Variants in KCNAB1 observed in about 807,000 individuals in gnomAD.
KCNAB1 encodes the protein potassium voltage-gated channel subfamily A regulatory beta subunit 1, also known as voltage-gated potassium channel subunit beta-1.
In KCNAB1, 35 loss-of-function variants were observed where a neutral mutation model predicts 64.6. The ratio of observed to expected loss-of-function variants is 0.54; its 90% CI spans 0.41 to 0.72. The LOEUF (loss-of-function observed/expected upper bound fraction) is 0.72, where lower values mean the gene tolerates loss of function less well. Ranked by LOEUF, KCNAB1 falls within the 30% of genes least tolerant of loss-of-function variation. The pLI, the probability that KCNAB1 is intolerant of heterozygous loss-of-function variation, is 0.00. For missense variants in KCNAB1, 401 were observed against 512.9 expected, an observed-to-expected ratio of 0.78 and a Z score of 2.11; for synonymous variants, 177 against 183.8, an observed-to-expected ratio of 0.96 and a Z score of 0.30.
At chr3:156,467,374 T>A (rs2108305519) in intron 7 of KCNAB1, among the ~76,000 whole-genome samples, 1 of 152,262 alleles carries the variant, frequency 6.6e-6, no homozygotes, top group Admixed American at 6.5e-5. Flanking sequence ...GATTGATCAT[T>A]GAAACAAGTG....
intron 1 of KCNAB1, among the ~76,000 whole-genome samples, chr3:156,334,877 C>T (rs1289677603): frequency 6.6e-6 from 1 of 152,152 alleles, no homozygotes; most frequent in Non-Finnish European, 1.5e-5. Flanking sequence ...AAGCTTGAAC[C>T]TGAAATTACA....
At chr3:156,260,233 A>T (rs890423143) in intron 1 of KCNAB1, among the ~76,000 whole-genome samples, 5 of 152,210 alleles carry the variant, frequency 3.3e-5, no homozygotes, top group Admixed American at 3.3e-4. Context: ...CTCTCTTAGC[A>T]AACCATGTTC....
At chr3:156,121,853 C>T (rs1032720974) in intron 1 of KCNAB1, among the ~76,000 whole-genome samples, 1 of 152,174 alleles carries the variant, frequency 6.6e-6, no homozygotes, top group African/African-American at 2.4e-5. Flanking sequence ...TCTGAGCTGC[C>T]TTTCTGTCTA....
At chr3:156,120,925 C>G (rs776463937) in intron 1 of KCNAB1, 39 bp downstream of exon 1, 1 of 1,603,314 alleles carries the variant, frequency 6.2e-7, no homozygotes. Flanking sequence ...TGGGAGACGC[C>G]GTTCGAAGGT....
intron 1 of KCNAB1, chr3:156,291,445 C>A (rs1720409983): frequency 9.9e-7 from 1 of 1,008,540 alleles, no homozygotes; most frequent in Admixed American, 5.2e-5. Context: ...GGCGGCGCAT[C>A]TTGCGGTAAG....
At chr3:156,315,384 G>A (rs890842449) in intron 1 of KCNAB1, among the ~76,000 whole-genome samples, 6 of 152,158 alleles carry the variant, frequency 3.9e-5, no homozygotes, top group African/African-American at 1.4e-4. Context: ...TAGCCAAACC[G>A]CTGAGGTTCT....
chr3:156,171,948 T>A (rs1712022122), intron 1 of KCNAB1, among the ~76,000 whole-genome samples: 1 of 152,228 alleles, frequency 6.6e-6, no homozygotes, highest in Admixed American at 6.5e-5. Context: ...TATTTGAGGC[T>A]GTGTATATCA....
chr3:156,149,484 A>T (rs115175406), intron 1 of KCNAB1, among the ~76,000 whole-genome samples: 8 of 152,248 alleles, frequency 5.3e-5, no homozygotes, highest in Non-Finnish European at 1.0e-4. Flanking sequence ...CATAAATGAG[A>T]GTTTTCATTG....
chr3:156,533,348 A>G (rs560179540), intron 13 of KCNAB1, among the ~76,000 whole-genome samples: 2 of 152,306 alleles, frequency 1.3e-5, no homozygotes, highest in African/African-American at 4.8e-5. Flanking sequence ...TGAAGAGTCC[A>G]GGAAAGTGCA....
At chr3:156,125,741 G>C (rs370288325) in intron 1 of KCNAB1, among the ~76,000 whole-genome samples, 2 of 152,156 alleles carry the variant, frequency 1.3e-5, no homozygotes, top group African/African-American at 4.8e-5. Flanking sequence ...CTTCTAGAAG[G>C]CTGAATGTGG....
intron 1 of KCNAB1, among the ~76,000 whole-genome samples, chr3:156,290,272 G>C (rs1172633781): frequency 6.6e-6 from 1 of 152,208 alleles, no homozygotes; most frequent in Non-Finnish European, 1.5e-5. Flanking sequence ...GGGGGACAGT[G>C]CTTCCTTTTT....
chr3:156,394,141 ATGAGACAG>A (rs1713252985), intron 1 of KCNAB1, among the ~76,000 whole-genome samples: 1 of 152,232 alleles, frequency 6.6e-6, no homozygotes, highest in Admixed American at 6.5e-5. Flanking sequence ...ATGGGTTCAA[ATGAGACAG>A]TGCTATACAA....
At chr3:156,442,345 T>C (rs1213062036) in intron 2 of KCNAB1, among the ~76,000 whole-genome samples, 1 of 152,154 alleles carries the variant, frequency 6.6e-6, no homozygotes, top group African/African-American at 2.4e-5. Flanking sequence ...TCTTCTAAAC[T>C]TCACATCCCC....
chr3:156,155,409 A>G (rs951714153), intron 1 of KCNAB1, among the ~76,000 whole-genome samples: 1 of 152,250 alleles, frequency 6.6e-6, no homozygotes, highest in East Asian at 1.9e-4. Context: ...ATAATACTTT[A>G]GAAGCATAAA....
chr3:156,144,105 C>G (rs1714899895), intron 1 of KCNAB1, among the ~76,000 whole-genome samples: 1 of 152,094 alleles, frequency 6.6e-6, no homozygotes, highest in African/African-American at 2.4e-5. Context: ...CTTTCCTATT[C>G]AGAGCAATTA....
chr3:156,248,864 T>C (rs1223240752), intron 1 of KCNAB1, among the ~76,000 whole-genome samples: 1 of 152,166 alleles, frequency 6.6e-6, no homozygotes, highest in African/African-American at 2.4e-5. Flanking sequence ...ATGCACCATT[T>C]ACCTTCCAGG....
intron 1 of KCNAB1, among the ~76,000 whole-genome samples, chr3:156,309,470 GT>G (rs888213814): frequency 2.0e-5 from 3 of 152,186 alleles, no homozygotes; most frequent in African/African-American, 4.8e-5. Flanking sequence ...AACAAATCTA[GT>G]TTTTATCTGT....
intron 12 of KCNAB1, among the ~76,000 whole-genome samples, chr3:156,529,410 G>C (rs1275277760): frequency 6.6e-6 from 1 of 151,690 alleles, no homozygotes; most frequent in Non-Finnish European, 1.5e-5. Flanking sequence ...ATGATGGTTG[G>C]TAAATTTATA....
chr3:156,510,774 T>C (rs765206903), intron 8 of KCNAB1, among the ~76,000 whole-genome samples: 13 of 152,200 alleles, frequency 8.5e-5, no homozygotes, highest in Non-Finnish European at 1.9e-4. Context: ...CAAATGTCCA[T>C]GGCGTTCCAC....
Sources: allele counts gnomAD v4.1 joint callset (sites outside exome capture counted in the v4.1 genomes callset), GRCh38; gene constraint gnomAD v4.1.1; transcripts MANE v1.5; gene names NCBI Gene and HGNC (gene_info 2026-07-23, HGNC 2026-07-21).